TUBGCP5: variants seen among roughly 807,000 people sequenced by gnomAD.
The protein encoded by TUBGCP5 is tubulin gamma complex component 5.
Under a neutral mutation model 134.7 loss-of-function variants are expected in TUBGCP5, and 98 were observed. The observed-to-expected ratio is 0.73, with a 90% confidence interval of 0.62 to 0.86. TUBGCP5 has a LOEUF of 0.86. TUBGCP5 is among the 40% of genes least tolerant of loss of function. The pLI is 0.00. For synonymous variants in TUBGCP5, 456 were observed against 431.4 expected (o/e 1.06, Z -0.71); for missense variants, 1,150 against 1,244.8 (o/e 0.92, Z 1.15).
At position 23,013,377 on chromosome 15, in the gene TUBGCP5, C is replaced by A. The variant is rs554706606; in HGVS notation, c.1757-2046G>T. On this transcript the variant is annotated intron_variant, in intron 13 of 22. Transcript: ENST00000615383. The surrounding 1 kb of genome is among the most constrained non-coding windows in gnomAD (Gnocchi z 4.5). The stretch of plus-strand genomic sequence containing the variant: ...CTGAGGCAGGAGAGAACCCAGGAGG[C>A]GAAGTTCGCAGTGAGCCGAGATCGC... Among the ~76,000 whole-genome samples the A allele has an allele frequency of 6.6e-6, 1 of 151,702 alleles. No individual in the cohort carries two copies. The highest frequency in any genetic ancestry group is 2.1e-4 in the South Asian group (1 of 4,794).
chr15:23,027,106 A>G, intron 7 of TUBGCP5, 86 bp downstream of exon 7: 1 of 993,982 alleles, frequency 1.0e-6, no homozygotes, highest in Non-Finnish European at 1.5e-6. Context: ...ATTTCAGGGA[A>G]GAACTTAAGT....
chr15:23,006,042 C>T lies in TUBGCP5; in HGVS notation c.2533+10G>A. 2 of 1,582,258 alleles carry T rather than the reference C, an allele frequency of 1.3e-6. No homozygotes were observed. Among genetic ancestry groups the T allele is most frequent in the Non-Finnish European group, 1.7e-6 (2 of 1,171,056 alleles). On this transcript the variant is annotated intron_variant, in intron 18 of 22. Transcript: ENST00000615383. Reference sequence around the variant, plus strand: ...AAAATTACAATTTATCTGCTGAAAACAAATCTTACCACCAAAAAGTAAAAC... The same window carrying T: ...AAAATTACAATTTATCTGCTGAAAATAAATCTTACCACCAAAAAGTAAAAC...
At position 23,022,109 on chromosome 15, in the gene TUBGCP5, A is replaced by G; in HGVS notation, c.1221T>C (p.Ser407=). The G allele has an allele frequency of 6.2e-7, 1 of 1,614,210 alleles. No individual in the cohort carries two copies. Among genetic ancestry groups the G allele is most frequent in the Admixed American group, 1.7e-5 (1 of 60,020 alleles). ...IVVDKLAPRL[S]QLKVLHKVFS... ...ACACTTTGTGCAGAACCTTGAGCTG[A>G]GACAATCGAGGTGCCAACTTGTCCA... Residue 407 remains serine, a synonymous_variant, in exon 11 of 23, where the codon TCT becomes TCC. Coordinates refer to ENST00000615383, the MANE Select transcript of TUBGCP5 (RefSeq NM_052903.6).
intron 3 of TUBGCP5, among the ~76,000 whole-genome samples, chr15:23,035,817 A>C (rs2066558275): frequency 6.6e-6 from 1 of 152,170 alleles, no homozygotes; most frequent in African/African-American, 2.4e-5. Flanking sequence ...AGTGAAGCAG[A>C]CAAGACTGCA....
At chr15:23,039,051 A>G (rs1217919835) in intron 1 of TUBGCP5, among the ~76,000 whole-genome samples, 1 of 152,046 alleles carries the variant, frequency 6.6e-6, no homozygotes, top group Non-Finnish European at 1.5e-5. Flanking sequence ...AAAAAATTAT[A>G]AACATGGAGT....
intron 20 of TUBGCP5, among the ~76,000 whole-genome samples, chr15:23,003,618 G>GCACT (rs1364769810): frequency 6.7e-6 from 1 of 148,180 alleles, no homozygotes; most frequent in Non-Finnish European, 1.5e-5. Context: ...TACGAATAGG[G>GCACT]CACTCCTCCT....
At position 22,999,783 on chromosome 15, in the gene TUBGCP5, A is replaced by T; in HGVS notation, c.*37T>A. 6.2e-7 allele frequency: 1 copy of T among 1,603,316 alleles called. No homozygotes were observed. Among genetic ancestry groups the T allele is most frequent in the Non-Finnish European group, 8.5e-7 (1 of 1,170,276 alleles). On this transcript the variant is annotated 3_prime_UTR_variant, in exon 23 of 23. Coordinates refer to ENST00000615383, the MANE Select transcript of TUBGCP5 (RefSeq NM_052903.6). Reference sequence around the variant, plus strand: ...CACATGGTGGAAATGTACATGTATGATGACAAAGTCGGAGATATTTATTAC... The same window carrying T: ...CACATGGTGGAAATGTACATGTATGTTGACAAAGTCGGAGATATTTATTAC...
At chr15:23,015,172 G>A (rs116100178) in intron 13 of TUBGCP5, among the ~76,000 whole-genome samples, 1,599 of 152,042 alleles carry the variant, frequency 0.011, 31 homozygotes, top group African/African-American at 0.036. Flanking sequence ...GCAAACCTCC[G>A]CCTTCCGGGT....
At position 22,990,834 on chromosome 15, in the gene TUBGCP5, G is replaced by T. The variant is rs182513308; in HGVS notation, c.*61+6011C>A. On this transcript the variant is annotated intron_variant and NMD_transcript_variant, in intron 23 of 23. Transcript: ENST00000614508. Reference sequence around the variant, plus strand: ...AGTGTGCTTACAAGAGACACGCAGAGAACAGACCCAGAAAGAGGCAGTGTG... The same window carrying T: ...AGTGTGCTTACAAGAGACACGCAGATAACAGACCCAGAAAGAGGCAGTGTG... Among the ~76,000 whole-genome samples the T allele has an allele frequency of 6.6e-5, 10 of 152,308 alleles. No individual in the cohort carries two copies. In the East Asian group the frequency reaches 1.9e-3, roughly 29 times the overall value.
In TUBGCP5 at chr15:23,016,969, G is replaced by GATATGTATATATATATATATATATAT. The variant is rs1555439436; in HGVS notation, c.1756+803_1756+804insATATATATATATATATATATACATAT. 1.0e-3 allele frequency among the ~76,000 whole-genome samples: 110 copies of GATATGTATATATATATATATATATAT among 109,386 alleles called. 3 individuals carry two copies. Among genetic ancestry groups the GATATGTATATATATATATATATATAT allele is most frequent in the African/African-American group, 3.8e-3 (106 of 27,770 alleles). The allele number at this position is 109,386 out of a possible 152,430, so 71.8% of individuals were successfully genotyped here. Reference sequence around the variant, plus strand: ...AGATGAATGGGTAAAAAAATTGTGAGATATATATATATATATATGTATATA... The same window carrying GATATGTATATATATATATATATATAT: ...AGATGAATGGGTAAAAAAATTGTGAGATATGTATATATATATATATATATATATATATATATATATATATGTATATA... On this transcript the variant is annotated intron_variant, in intron 13 of 22. Transcript: ENST00000615383.
At chr15:22,984,628 A>AG (rs2063629049) in intron 23 of TUBGCP5, among the ~76,000 whole-genome samples, 1 of 151,986 alleles carries the variant, frequency 6.6e-6, no homozygotes. Context: ...TAAAAAAAAA[A>AG]TAAAAGAAAC....
intron 6 of TUBGCP5, among the ~76,000 whole-genome samples, chr15:23,027,652 G>A (rs770958114): frequency 1.3e-5 from 2 of 151,916 alleles, no homozygotes; most frequent in African/African-American, 2.4e-5. Context: ...AGGCTGACAC[G>A]AGAGGGGACT....
chr15:23,015,745 A>C (rs2065276803), intron 13 of TUBGCP5, among the ~76,000 whole-genome samples: 1 of 152,192 alleles, frequency 6.6e-6, no homozygotes, highest in Non-Finnish European at 1.5e-5. Context: ...ACTTGCAAAC[A>C]TCACTAAAGT....
rs1471238084 is a variant in TUBGCP5 at position 23,005,485 on chromosome 15, T to G, written c.2659A>C (p.Arg887=). 1 of 1,614,200 alleles carries G rather than the reference T, an allele frequency of 6.2e-7. No homozygotes were observed. Among genetic ancestry groups the G allele is most frequent in the Non-Finnish European group, 8.5e-7 (1 of 1,180,044 alleles). ...RQQIHRMFLL[R]VKLMHFVNSL... ...TTCACGAAATGCATGAGCTTCACTC[T>G]TAAGAGGAACATGCGATGAATCTGC... The change falls in exon 19 of 23, where the codon AGA becomes CGA. Residue 887 remains arginine (R), a synonymous_variant. Transcript: ENST00000615383.
intron 6 of TUBGCP5, 70 bp downstream of exon 6, chr15:23,030,815 C>T: frequency 6.4e-7 from 1 of 1,574,584 alleles, no homozygotes; most frequent in Non-Finnish European, 8.6e-7. Context: ...TGGAACTGAT[C>T]TCAAAGTTTG....
intron 11 of TUBGCP5, among the ~76,000 whole-genome samples, chr15:23,019,806 A>G (rs1045772522): frequency 6.6e-6 from 1 of 151,366 alleles, no homozygotes; most frequent in Non-Finnish European, 1.5e-5. Flanking sequence ...AACAAAAAGA[A>G]AAAAAAAAGA....
At chr15:22,996,236 C>G (rs1009010031), downstream of TUBGCP5, among the ~76,000 whole-genome samples, 4 of 152,156 alleles carry the variant, frequency 2.6e-5, no homozygotes, top group Non-Finnish European at 5.9e-5. Context: ...GCTCTAAATC[C>G]TTGAAAATTA....
intron 22 of TUBGCP5, chr15:23,000,345 T>C: frequency 1.6e-6 from 2 of 1,279,700 alleles, no homozygotes; most frequent in Non-Finnish European, 2.0e-6. Flanking sequence ...TAGAAATCTG[T>C]TGTAATAAAT....
intron 3 of TUBGCP5, among the ~76,000 whole-genome samples, chr15:23,036,663 T>G (rs986627529): frequency 1.2e-4 from 18 of 152,170 alleles, no homozygotes; most frequent in African/African-American, 3.6e-4. Context: ...ATCTCTGATC[T>G]CTCTTTCCTT....
Sources: gnomAD v4.1 joint callset for allele counts (sites outside exome capture counted in the v4.1 genomes callset) on GRCh38, gnomAD v4.1.1 for gene constraint, Gnocchi (gnomAD v3.1) non-coding constraint, MANE v1.5 for transcripts, NCBI Gene and HGNC (gene_info 2026-07-23, HGNC 2026-07-21) for gene names.